The following MAP4 variants were observed in gnomAD, a reference collection of about 807,000 sequenced individuals.
MAP4 encodes microtubule-associated protein 4.
Under a neutral mutation model 170.2 loss-of-function variants are expected in MAP4, and 76 were observed. The observed-to-expected ratio is 0.45, with a 90% CI of 0.37 to 0.54. MAP4 has a LOEUF of 0.54. Ranked by LOEUF, MAP4 falls within the 20% of genes least tolerant of loss-of-function variation. The probability of loss-of-function intolerance (pLI) is 0.00; values close to 1 mark genes in which losing one functional copy is unlikely to be tolerated. For missense variants in MAP4, 2,506 were observed against 2,748.0 expected (o/e 0.91, Z 1.97); for synonymous variants, 909 against 994.5 (o/e 0.91, Z 1.62).
intron 1 of MAP4, chr3:48,039,314 CAAG>C (rs1265419493): frequency 6.5e-6 from 1 of 152,714 alleles, no homozygotes. Context: ...AGAGCAAGCA[CAAG>C]AAGTGCCTGG....
At chr3:48,082,656 G>C (rs1236005177) in intron 1 of MAP4, among the ~76,000 whole-genome samples, 1 of 151,960 alleles carries the variant, frequency 6.6e-6, no homozygotes, top group Non-Finnish European at 1.5e-5. Context: ...ACAAAAATTA[G>C]GTGTGGTGGC....
At chr3:47,907,468 G>A (rs781390416) in intron 9 of MAP4, among the ~76,000 whole-genome samples, 8 of 152,084 alleles carry the variant, frequency 5.3e-5, no homozygotes, top group Admixed American at 2.0e-4. Flanking sequence ...GGGGAAAGGT[G>A]TGGTAGAATT....
chr3:47,952,759 C>G (rs1417489766), intron 3 of MAP4, among the ~76,000 whole-genome samples: 1 of 151,872 alleles, frequency 6.6e-6, no homozygotes, highest in Admixed American at 6.6e-5. Context: ...TCTGTCTCTA[C>G]TAAAAAATAC....
Position 47,857,523 on chromosome 3 carries a change from G to A in MAP4, c.6502-11C>T, listed in dbSNP as rs768121853. 3.1e-6 allele frequency: 5 copies of A among 1,589,830 alleles called. No individual in the cohort carries two copies. The highest frequency in any genetic ancestry group is 3.5e-6 in the Non-Finnish European group (4 of 1,158,834). ...GTTCTGAATCTGAACCTGAAGAGAA[G>A]GACACAAAAGACTCATTCAGAGAGA... On this transcript the variant is annotated splice_polypyrimidine_tract_variant and intron_variant, in intron 17 of 20. Coordinates refer to ENST00000683076, the MANE Select transcript of MAP4 (RefSeq NM_001385682.1).
chr3:48,064,639 G>C (rs975247521), intron 1 of MAP4, among the ~76,000 whole-genome samples: 1 of 152,108 alleles, frequency 6.6e-6, no homozygotes, highest in African/African-American at 2.4e-5. Context: ...CAATTAGACA[G>C]TCATGCATCA....
intron 3 of MAP4, chr3:47,975,447 TGA>T: frequency 6.4e-7 from 1 of 1,569,370 alleles, no homozygotes; most frequent in Non-Finnish European, 8.6e-7. Flanking sequence ...GCCCCAGTGT[TGA>T]GAGACACGCT....
intron 19 of MAP4, among the ~76,000 whole-genome samples, chr3:47,854,680 C>T (rs1016394681): frequency 2.4e-4 from 37 of 151,844 alleles, no homozygotes; most frequent in African/African-American, 8.3e-4. Context: ...CCCAGCCAGT[C>T]GTGAGGATGG....
chr3:48,009,254 C>T (rs543234713), intron 1 of MAP4, among the ~76,000 whole-genome samples: 5 of 152,232 alleles, frequency 3.3e-5, no homozygotes, highest in Admixed American at 6.5e-5. Flanking sequence ...GCACCCGCCA[C>T]CACACCCAGC....
At chr3:47,865,177 A>G (rs1413713862) in intron 17 of MAP4, among the ~76,000 whole-genome samples, 1 of 152,190 alleles carries the variant, frequency 6.6e-6, no homozygotes, top group Non-Finnish European at 1.5e-5. Flanking sequence ...GGCAGTGTGG[A>G]AAGATCACAG....
At chr3:47,946,087 A>C (rs1381641572) in intron 3 of MAP4, among the ~76,000 whole-genome samples, 32 of 149,268 alleles carry the variant, frequency 2.1e-4, no homozygotes, top group Middle Eastern at 3.5e-3. Flanking sequence ...GGCGCCCGCC[A>C]CCATGCTTGG....
intron 3 of MAP4, chr3:47,960,842 C>A: frequency 5.6e-6 from 1 of 179,704 alleles, no homozygotes; most frequent in South Asian, 1.6e-4. Context: ...TTTACAAACT[C>A]TTGAATATTA....
chr3:48,003,629 T>C (rs948222333), intron 1 of MAP4, among the ~76,000 whole-genome samples: 1 of 152,134 alleles, frequency 6.6e-6, no homozygotes, highest in Non-Finnish European at 1.5e-5. Context: ...TCTAGAGCTG[T>C]TTCCACTCCC....
At chr3:47,871,197 G>A (rs775466150) in intron 14 of MAP4, 30 bp downstream of exon 14, 6 of 1,613,640 alleles carry the variant, frequency 3.7e-6, no homozygotes, top group Admixed American at 1.7e-5. Flanking sequence ...TTCAAGTTAG[G>A]GCTCTACAAA....
At chr3:48,026,794 C>A (rs921084216) in intron 1 of MAP4, among the ~76,000 whole-genome samples, 1 of 152,128 alleles carries the variant, frequency 6.6e-6, no homozygotes, top group Non-Finnish European at 1.5e-5. Flanking sequence ...GAACCACCAA[C>A]AATTAATTAG....
intron 5 of MAP4, among the ~76,000 whole-genome samples, chr3:47,921,295 ATTGT>A (rs1343826428): frequency 1.3e-5 from 2 of 152,176 alleles, no homozygotes; most frequent in Non-Finnish European, 2.9e-5. Flanking sequence ...GGCCATGTTG[ATTGT>A]TTGGCATTAA....
chr3:47,923,007 G>A (rs1444402783), intron 4 of MAP4, among the ~76,000 whole-genome samples: 1 of 151,660 alleles, frequency 6.6e-6, no homozygotes, highest in Non-Finnish European at 1.5e-5. Flanking sequence ...CCGAGATGGC[G>A]CCACTGCACT....
At chr3:48,035,245 G>A (rs2154524688) in intron 1 of MAP4, among the ~76,000 whole-genome samples, 1 of 130,724 alleles carries the variant, frequency 7.6e-6, no homozygotes, top group Non-Finnish European at 1.6e-5. Context: ...AAATATACAA[G>A]TCTTCAGTGG....
At chr3:48,083,872 G>A (rs112635731) in intron 1 of MAP4, among the ~76,000 whole-genome samples, 3 of 150,334 alleles carry the variant, frequency 2.0e-5, no homozygotes, top group African/African-American at 4.9e-5. Context: ...GATTACAGGC[G>A]CTTGCCACCA....
At chr3:48,026,493 A>C (rs549999845) in intron 1 of MAP4, among the ~76,000 whole-genome samples, 18 of 152,322 alleles carry the variant, frequency 1.2e-4, no homozygotes, top group African/African-American at 3.8e-4. Context: ...ATATATTTTT[A>C]CAAAAACACT....
Sources: allele counts gnomAD v4.1 joint callset (sites outside exome capture counted in the v4.1 genomes callset), GRCh38; gene constraint gnomAD v4.1.1; transcripts MANE v1.5; gene names NCBI Gene and HGNC (gene_info 2026-07-23, HGNC 2026-07-21).